The following WDR3 variants were observed in gnomAD, a reference collection of about 807,000 sequenced individuals.
The protein encoded by WDR3 is WD repeat domain 3.
Under a neutral mutation model 123.7 loss-of-function variants are expected in WDR3, and 81 were observed. That is an observed-to-expected ratio of 0.65 (90% CI 0.55 to 0.79). The LOEUF is 0.79. WDR3 is among the 30% of genes least tolerant of loss of function. The probability of loss-of-function intolerance (pLI) is 0.00; values close to 1 mark genes in which losing one functional copy is unlikely to be tolerated. For missense variants in WDR3, 1,027 were observed against 1,123.2 expected (o/e 0.91, Z 1.22); for synonymous variants, 390 against 388.8 (o/e 1.00, Z -0.04).
chr1:117,947,328 A>C (rs981568316), intron 12 of WDR3, among the ~76,000 whole-genome samples: 5 of 152,208 alleles, frequency 3.3e-5, no homozygotes, highest in Non-Finnish European at 5.9e-5. Context: ...TGTCATTATT[A>C]TTCCCATAAA....
At chr1:117,945,300 C>G (rs562062194) in intron 11 of WDR3, among the ~76,000 whole-genome samples, 2 of 152,300 alleles carry the variant, frequency 1.3e-5, no homozygotes, top group East Asian at 1.9e-4. Flanking sequence ...TCTTACTACT[C>G]TCCTTTTCTG....
chr1:117,946,184 ATG>A lies in WDR3; in HGVS notation c.1422+6_1422+7del, dbSNP rs1382900386. ...CAGGTAGTCATAGGAACAAAGGTAA[ATG>A]GAGACTTTTTCTGGGATATCTGGAT... On this transcript the variant is annotated splice_donor_region_variant and intron_variant, in intron 12 of 26. Transcript: ENST00000349139. The A allele has an allele frequency of 6.3e-7, 1 of 1,596,930 alleles. No individual in the cohort carries two copies. Among genetic ancestry groups the A allele is most frequent in the African/African-American group, 1.3e-5 (1 of 74,184 alleles).
intron 4 of WDR3, among the ~76,000 whole-genome samples, chr1:117,937,539 G>C (rs1016910820): frequency 1.3e-5 from 2 of 152,114 alleles, no homozygotes; most frequent in African/African-American, 4.8e-5. Flanking sequence ...ATAGGATACA[G>C]GTAAATTAGT....
chr1:117,932,920 C>T (rs1287882281), intron 1 of WDR3, among the ~76,000 whole-genome samples: 2 of 151,792 alleles, frequency 1.3e-5, no homozygotes, highest in South Asian at 2.1e-4. Context: ...GTTGTTCTGG[C>T]GCAGTGGCTA....
chr1:117,942,752 T>C (rs546863739), intron 10 of WDR3, among the ~76,000 whole-genome samples: 4 of 152,252 alleles, frequency 2.6e-5, no homozygotes, highest in Non-Finnish European at 5.9e-5. Flanking sequence ...CCTTTTTAGC[T>C]AGTCATTTAC....
chr1:117,935,544 C>A (rs539525805), intron 3 of WDR3, among the ~76,000 whole-genome samples: 1 of 151,804 alleles, frequency 6.6e-6, no homozygotes, highest in Non-Finnish European at 1.5e-5. Flanking sequence ...ATTTTAAAGA[C>A]GACATTTTAA....
At chr1:117,955,010 A>G in intron 23 of WDR3, 2 of 384,456 alleles carry the variant, frequency 5.2e-6, no homozygotes, top group Non-Finnish European at 4.6e-6. Context: ...GGGAGAATGT[A>G]TGTTTATCTA....
At chr1:117,955,111 G>A in intron 23 of WDR3, 2 of 469,068 alleles carry the variant, frequency 4.3e-6, no homozygotes, top group Non-Finnish European at 7.5e-6. Flanking sequence ...AATCTGGCTT[G>A]ACTTGTAGCA....
At position 117,936,864 on chromosome 1, in the gene WDR3, A is replaced by G. The variant is rs1650960425; in HGVS notation, c.477A>G (p.Arg159=). 6.2e-7 allele frequency: 1 copy of G among 1,612,964 alleles called. No homozygotes were observed. The highest frequency in any genetic ancestry group is 1.7e-5 in the Admixed American group (1 of 59,928). ...CCATCACACAAGCATTGTTTCTACGAGAAAAGAACCTGCTAGTTACTAGGT... is the reference window on the plus strand; with the variant it reads ...CCATCACACAAGCATTGTTTCTACGGGAAAAGAACCTGCTAGTTACTAGGT... The part of the protein sequence containing the change: ...KDAITQALFL[R]EKNLLVTSGK... The change falls in exon 4 of 27, where the codon CGA becomes CGG. Residue 159 remains arginine, a synonymous_variant. Coordinates refer to ENST00000349139, the MANE Select transcript of WDR3 (RefSeq NM_006784.3).
chr1:117,935,328 T>C (rs1174670193), intron 3 of WDR3, among the ~76,000 whole-genome samples: 1 of 152,052 alleles, frequency 6.6e-6, no homozygotes, highest in Non-Finnish European at 1.5e-5. Flanking sequence ...CTTGACCTAA[T>C]ATGGAAAAGC....
intron 15 of WDR3, 88 bp downstream of exon 15, chr1:117,950,218 C>A: frequency 6.8e-7 from 1 of 1,479,870 alleles, no homozygotes. Context: ...GTGGCCTTGA[C>A]TGTGCCCAGC....
intron 25 of WDR3, among the ~76,000 whole-genome samples, chr1:117,958,688 A>G (rs1470729856): frequency 6.6e-6 from 1 of 151,802 alleles, no homozygotes; most frequent in East Asian, 1.9e-4. Flanking sequence ...AATGAGTTGA[A>G]TGTGTCATAA....
intron 12 of WDR3, 90 bp downstream of exon 12, chr1:117,946,269 G>A: frequency 2.0e-6 from 2 of 980,002 alleles, no homozygotes; most frequent in Non-Finnish European, 3.0e-6. Flanking sequence ...TAGCATATTG[G>A]AAATGGACTG....
In WDR3 at chr1:117,962,575, G is replaced by A. The variant is rs1405622001; in HGVS notation, c.*3128G>A. On this transcript the variant is annotated 3_prime_UTR_variant, in exon 27 of 27. Coordinates refer to ENST00000349139, the MANE Select transcript of WDR3 (RefSeq NM_006784.3). ...AAAAAAAAAAAGGCTCTTGAATGAT[G>A]TATTGGGAGTAAAACATTTAGGCTT... The A allele has an allele frequency of 2.0e-5, 3 of 150,582 alleles. No individual in the cohort carries two copies. Among genetic ancestry groups the A allele is most frequent in the Non-Finnish European group, 4.4e-5 (3 of 67,820 alleles). 9.3% of individuals were successfully genotyped at this position (150,582 alleles called of 1,614,324 possible). A position where few individuals can be genotyped will look rare whatever the true frequency, so the allele number is the denominator to read the frequency against.
chr1:117,939,896 T>A (rs1169515999), intron 6 of WDR3, among the ~76,000 whole-genome samples: 1 of 152,236 alleles, frequency 6.6e-6, no homozygotes, highest in African/African-American at 2.4e-5. Flanking sequence ...AATATATATG[T>A]AGAATTTTAT....
At chr1:117,957,451 G>T (rs559599017) in intron 25 of WDR3, among the ~76,000 whole-genome samples, 21 of 152,240 alleles carry the variant, frequency 1.4e-4, no homozygotes, top group African/African-American at 5.1e-4. Context: ...AGAAGTCATG[G>T]TAATACATTG....
rs1053450612 is a variant in WDR3 at position 117,966,027 on chromosome 1, A to G, written c.*6580A>G. 1.3e-5 allele frequency: 2 copies of G among 152,236 alleles called. No homozygotes were observed. The highest frequency in any genetic ancestry group is 4.8e-5 in the African/African-American group (2 of 41,452). The allele number at this position is 152,236 out of a possible 1,614,324, so 9.4% of individuals were successfully genotyped here. A position where few individuals can be genotyped will look rare whatever the true frequency, so the allele number is the denominator to read the frequency against. On this transcript the variant is annotated 3_prime_UTR_variant, in exon 27 of 27. Transcript: ENST00000349139. ...TCAAATAAATAGAGAACTGTAACACAAGCAGCACACAATTCATGCCACTGG... is the reference window on the plus strand; with the variant it reads ...TCAAATAAATAGAGAACTGTAACACGAGCAGCACACAATTCATGCCACTGG...
At chr1:117,958,237 C>G (rs1652504370) in intron 25 of WDR3, among the ~76,000 whole-genome samples, 1 of 152,210 alleles carries the variant, frequency 6.6e-6, no homozygotes, top group Non-Finnish European at 1.5e-5. Flanking sequence ...TTCTTATACT[C>G]TATCCAGGAT....
intron 3 of WDR3, 47 bp from the exon 4 acceptor site, chr1:117,936,722 T>C (rs775064069): frequency 7.6e-6 from 11 of 1,446,250 alleles, no homozygotes; most frequent in Non-Finnish European, 1.1e-5. Flanking sequence ...TTGGGCCATA[T>C]ATGGTAAAGA....
Sources: gnomAD v4.1 joint callset for allele counts (sites outside exome capture counted in the v4.1 genomes callset) on GRCh38, gnomAD v4.1.1 for gene constraint, MANE v1.5 for transcripts, NCBI Gene and HGNC (gene_info 2026-07-23, HGNC 2026-07-21) for gene names.